The following NIPBL variants were observed in gnomAD, a reference collection of about 807,000 sequenced individuals.
NIPBL encodes the protein nipped-B-like protein.
Under a neutral mutation model 321.8 loss-of-function variants are expected in NIPBL, and 19 were observed. The ratio of observed to expected loss-of-function variants is 0.06; its 90% CI spans 0.04 to 0.09. The LOEUF (loss-of-function observed/expected upper bound fraction) is 0.09. Among genes scored for constraint, NIPBL ranks in the 10% least tolerant of loss-of-function variants. The pLI, the probability that NIPBL is intolerant of heterozygous loss-of-function variation, is 1.00. For missense variants in NIPBL, 2,210 were observed against 3,327.0 expected (o/e 0.66, Z 8.26); for synonymous variants, 1,106 against 1,114.1 (o/e 0.99, Z 0.14).
chr5:37,007,041 T>C (rs1020087608), intron 17 of NIPBL, among the ~76,000 whole-genome samples: 28 of 151,940 alleles, frequency 1.8e-4, no homozygotes, highest in Non-Finnish European at 2.9e-4. Context: ...AAGGGAAATA[T>C]AATCTTACTA....
At chr5:37,045,699 G>A (rs1321623778) in intron 37 of NIPBL, 102 bp downstream of exon 37, 6 of 1,235,418 alleles carry the variant, frequency 4.9e-6, no homozygotes, top group Non-Finnish European at 7.1e-6. Flanking sequence ...CATTAGAGTA[G>A]TCTGGTTTAA....
intron 42 of NIPBL, among the ~76,000 whole-genome samples, chr5:37,054,343 CATT>C (rs1753879520): frequency 6.6e-6 from 1 of 152,100 alleles, no homozygotes; most frequent in South Asian, 2.1e-4. Flanking sequence ...TTATCATCAA[CATT>C]ATCATCATAT....
intron 46 of NIPBL, 70 bp downstream of exon 46, chr5:37,064,048 G>A: frequency 6.4e-7 from 1 of 1,572,982 alleles, no homozygotes; most frequent in Non-Finnish European, 8.6e-7. Context: ...GCTTATATAT[G>A]TCAGTCTATT....
intron 32 of NIPBL, among the ~76,000 whole-genome samples, chr5:37,033,578 A>G (rs60509887): frequency 0.032 from 4,816 of 149,710 alleles, 255 homozygotes; most frequent in African/African-American, 0.11. Context: ...AAAGATTCCT[A>G]CTTCAGCTCA....
intron 1 of NIPBL, among the ~76,000 whole-genome samples, chr5:36,906,487 T>C (rs989587500): frequency 3.3e-5 from 5 of 152,194 alleles, no homozygotes; most frequent in Non-Finnish European, 7.3e-5. Flanking sequence ...AAGAGTGATA[T>C]GTCCTTTTTT....
At position 36,923,360 on chromosome 5, in the gene NIPBL, A is replaced by G. The variant is rs560023940; in HGVS notation, c.-79-30258A>G. Among the ~76,000 whole-genome samples the G allele has an allele frequency of 6.6e-5, 10 of 152,182 alleles. No individual in the cohort carries two copies. In the East Asian group the frequency reaches 1.9e-3, roughly 29 times the overall value. ...AAAAAATGCTGACTTCTCAGGGCCAATGATGTTATTCTCTGAGATATATAT... is the reference window on the plus strand; with the variant it reads ...AAAAAATGCTGACTTCTCAGGGCCAGTGATGTTATTCTCTGAGATATATAT... On this transcript the variant is annotated intron_variant, in intron 1 of 46. Coordinates refer to ENST00000282516, the MANE Select transcript of NIPBL (RefSeq NM_133433.4).
chr5:36,963,275 C>G (rs1009890244), intron 6 of NIPBL, among the ~76,000 whole-genome samples: 4 of 152,044 alleles, frequency 2.6e-5, no homozygotes, highest in African/African-American at 9.7e-5. Flanking sequence ...CCTTAATTAA[C>G]AGCAAATTTT....
At chr5:36,917,078 T>G (rs1019237892) in intron 1 of NIPBL, among the ~76,000 whole-genome samples, 3 of 152,238 alleles carry the variant, frequency 2.0e-5, no homozygotes, top group African/African-American at 7.2e-5. Context: ...ATTGCCACAC[T>G]GTCTTCCACA....
chr5:36,977,973 A>G (rs1334602235), intron 9 of NIPBL, among the ~76,000 whole-genome samples: 4 of 151,948 alleles, frequency 2.6e-5, no homozygotes, highest in Non-Finnish European at 4.4e-5. Context: ...ACCACGGTGT[A>G]TATATACCAC....
rs1056274601 is a variant in NIPBL at position 37,010,181 on chromosome 5, T to C, written c.4516T>C (p.Ser1506Pro). 1 of 1,610,982 alleles carries C rather than the reference T, an allele frequency of 6.2e-7. No homozygotes were observed. Among genetic ancestry groups the C allele is most frequent in the Non-Finnish European group, 8.5e-7 (1 of 1,177,398 alleles). Residue 1506 changes from serine (S) to proline (P), a missense_variant, in exon 21 of 47, where the codon TCA becomes CCA. Physicochemically the swap from Ser to Pro is moderately conservative, Grantham distance 74. This residue lies in a region of NIPBL where 381 missense variants were observed against 642.3 expected (regional missense o/e 0.59). Transcript: ENST00000282516. Reference sequence around the variant, plus strand: ...TATTCAGTGTGTGGTACACTTACCATCATCAGAGAAGGACTCTAATGCAGA... The same window carrying C: ...TATTCAGTGTGTGGTACACTTACCACCATCAGAGAAGGACTCTAATGCAGA... ...QLIQCVVHLP[S>P]SEKDSNAEED... is the part of the protein sequence containing the mutation.
At chr5:37,063,671 A>G (rs1047264590) in intron 45 of NIPBL, 119 bp from the exon 46 acceptor site, 119 of 950,910 alleles carry the variant, frequency 1.3e-4, no homozygotes, top group Non-Finnish European at 1.8e-4. Flanking sequence ...CCTAATTTAG[A>G]TGATGGCTAA....
At chr5:37,006,187 A>C (rs1346259704) in intron 16 of NIPBL, among the ~76,000 whole-genome samples, 170 bp from the exon 17 acceptor site, 1 of 152,134 alleles carries the variant, frequency 6.6e-6, no homozygotes, top group African/African-American at 2.4e-5. Context: ...TTGAAACACA[A>C]ATCGTGCTCA....
At chr5:36,946,125 C>CAAG (rs992504188) in intron 1 of NIPBL, among the ~76,000 whole-genome samples, 17 of 152,092 alleles carry the variant, frequency 1.1e-4, no homozygotes, top group African/African-American at 4.1e-4. Context: ...GAGCAAAGGG[C>CAAG]AAGGAGAACC....
At chr5:37,037,664 T>C (rs1246104100) in intron 33 of NIPBL, among the ~76,000 whole-genome samples, 1 of 150,464 alleles carries the variant, frequency 6.6e-6, no homozygotes, top group African/African-American at 2.4e-5. Context: ...CTCTTTTTTT[T>C]CTTTTTATCT....
chr5:37,045,287 G>A (rs1422523331), intron 36 of NIPBL, among the ~76,000 whole-genome samples, 156 bp from the exon 37 acceptor site: 3 of 152,130 alleles, frequency 2.0e-5, no homozygotes, highest in African/African-American at 4.8e-5. Flanking sequence ...ACGGGAGGCG[G>A]AGGTTGCAGT....
chr5:36,982,127 T>G, intron 9 of NIPBL: 5 of 595,612 alleles, frequency 8.4e-6, no homozygotes, highest in Non-Finnish European at 1.1e-5. Flanking sequence ...GTGTTGGTTT[T>G]GAGATTATGA....
chr5:36,885,150 C>T (rs186556599), intron 1 of NIPBL: 2 of 452,374 alleles, frequency 4.4e-6, no homozygotes, highest in Non-Finnish European at 8.8e-6. Flanking sequence ...ATAAAAAATG[C>T]TATTCAGGGT....
chr5:36,918,139 AT>A (rs1269512441), intron 1 of NIPBL, among the ~76,000 whole-genome samples: 1 of 152,150 alleles, frequency 6.6e-6, no homozygotes, highest in African/African-American at 2.4e-5. Flanking sequence ...CACGATATTG[AT>A]TCTTCCTACC....
intron 1 of NIPBL, chr5:36,886,194 C>G: frequency 1.5e-6 from 1 of 651,078 alleles, no homozygotes; most frequent in South Asian, 1.5e-5. Flanking sequence ...TGGAGACCTG[C>G]TATGCCCTGC....
Sources: allele counts gnomAD v4.1 joint callset (sites outside exome capture counted in the v4.1 genomes callset), GRCh38; gene constraint gnomAD v4.1.1; regional missense constraint gnomAD v4.1.1; transcripts MANE v1.5; gene names NCBI Gene and HGNC (gene_info 2026-07-23, HGNC 2026-07-21).